ANO2: variants seen among roughly 807,000 people sequenced by gnomAD.
ANO2 encodes the protein anoctamin-2.
A neutral mutation model predicts 124.2 loss-of-function variants in ANO2; 101 were observed. The observed-to-expected ratio is 0.81, with a 90% confidence interval of 0.69 to 0.96. ANO2 has a LOEUF of 0.96. Among genes scored for constraint, ANO2 ranks in the 40% least tolerant of loss-of-function variants. ANO2 has a pLI of 0.00. For synonymous variants in ANO2, 486 were observed against 482.5 expected (o/e 1.01, Z -0.09); for missense variants, 1,293 against 1,274.5 (o/e 1.01, Z -0.22).
chr12:5,810,985 T>G (rs1953370515), intron 7 of ANO2, among the ~76,000 whole-genome samples: 1 of 152,200 alleles, frequency 6.6e-6, no homozygotes, highest in Admixed American at 6.5e-5. Flanking sequence ...TTAAGCTTCA[T>G]AGACATATCT....
chr12:5,736,145 C>T (rs1950852870), intron 13 of ANO2, among the ~76,000 whole-genome samples: 1 of 152,218 alleles, frequency 6.6e-6, no homozygotes, highest in African/African-American at 2.4e-5. Flanking sequence ...TCCACAGGGA[C>T]ACCCACAGGC....
At chr12:5,893,382 A>G (rs1295897819) in intron 3 of ANO2, among the ~76,000 whole-genome samples, 2 of 152,178 alleles carry the variant, frequency 1.3e-5, no homozygotes, top group African/African-American at 4.8e-5. Context: ...AGGAACTCAA[A>G]CAAATCAAAA....
At chr12:5,665,712 C>T (rs2136979397) in intron 14 of ANO2, among the ~76,000 whole-genome samples, 1 of 146,544 alleles carries the variant, frequency 6.8e-6, no homozygotes, top group Non-Finnish European at 1.5e-5. Context: ...TCCCACCACC[C>T]CCCACCCCCA....
At chr12:5,656,947 A>T (rs1947188982) in intron 14 of ANO2, among the ~76,000 whole-genome samples, 2 of 152,198 alleles carry the variant, frequency 1.3e-5, no homozygotes, top group Non-Finnish European at 1.5e-5. Context: ...GGGGACCCAG[A>T]CATTGCAGCA....
intron 3 of ANO2, among the ~76,000 whole-genome samples, chr12:5,875,510 G>A (rs1938032948): frequency 6.6e-6 from 1 of 152,234 alleles, no homozygotes; most frequent in South Asian, 2.1e-4. Context: ...ATCCCCGACT[G>A]ATGGCCCTCC....
chr12:5,579,374 G>A (rs1942607170), intron 20 of ANO2, among the ~76,000 whole-genome samples: 1 of 152,186 alleles, frequency 6.6e-6, no homozygotes, highest in African/African-American at 2.4e-5. Flanking sequence ...GACTGAATGG[G>A]TCTCCATGTA....
intron 16 of ANO2, among the ~76,000 whole-genome samples, chr12:5,631,906 C>A (rs1306593520): frequency 6.6e-6 from 1 of 152,120 alleles, no homozygotes; most frequent in Non-Finnish European, 1.5e-5. Flanking sequence ...GCAATGTCCC[C>A]AAACCCACTG....
chr12:5,639,715 T>C (rs1946232701), intron 15 of ANO2, among the ~76,000 whole-genome samples: 1 of 152,092 alleles, frequency 6.6e-6, no homozygotes, highest in Non-Finnish European at 1.5e-5. Context: ...GAGGGGGCCC[T>C]GTAGTGTGAG....
intron 10 of ANO2, among the ~76,000 whole-genome samples, chr12:5,798,270 C>T (rs766773036): frequency 1.3e-5 from 2 of 151,984 alleles, no homozygotes; most frequent in African/African-American, 4.8e-5. Flanking sequence ...TCACAGGCCC[C>T]GCATGTCCCT....
chr12:5,607,919 A>T (rs7965064), intron 19 of ANO2, among the ~76,000 whole-genome samples: 27,298 of 152,102 alleles, frequency 0.18, 2,700 homozygotes, highest in Non-Finnish European at 0.22. Flanking sequence ...GCAATTTAAT[A>T]ATAATAGAAA....
At chr12:5,821,355 G>A (rs1953792192) in intron 7 of ANO2, among the ~76,000 whole-genome samples, 1 of 152,194 alleles carries the variant, frequency 6.6e-6, no homozygotes, top group Non-Finnish European at 1.5e-5. Flanking sequence ...GGGCCTATTT[G>A]GATTTTGGAG....
intron 14 of ANO2, among the ~76,000 whole-genome samples, chr12:5,726,755 G>A (rs1216754470): frequency 6.6e-6 from 1 of 152,098 alleles, no homozygotes; most frequent in African/African-American, 2.4e-5. Context: ...ATAAGAGAAG[G>A]TATAAGAGCT....
intron 10 of ANO2, among the ~76,000 whole-genome samples, chr12:5,757,500 A>T (rs1951615472): frequency 6.6e-6 from 1 of 152,236 alleles, no homozygotes; most frequent in Non-Finnish European, 1.5e-5. Flanking sequence ...CCTGTGACGT[A>T]AAACACAAGA....
intron 4 of ANO2, among the ~76,000 whole-genome samples, chr12:5,851,185 A>C (rs1044346551): frequency 3.9e-5 from 6 of 152,338 alleles, no homozygotes; most frequent in Admixed American, 3.9e-4. Flanking sequence ...TGCAGGTACC[A>C]CCTAAAAACT....
At chr12:5,874,192 G>A (rs956291192) in intron 3 of ANO2, among the ~76,000 whole-genome samples, 2 of 152,220 alleles carry the variant, frequency 1.3e-5, no homozygotes, top group African/African-American at 4.8e-5. Context: ...GAGAGGCTGT[G>A]AGGGATGGAG....
intron 14 of ANO2, among the ~76,000 whole-genome samples, chr12:5,660,073 C>A (rs1001255026): frequency 6.6e-6 from 1 of 152,128 alleles, no homozygotes; most frequent in Non-Finnish European, 1.5e-5. Flanking sequence ...TGCAGAAGGT[C>A]CCTGACTTAA....
intron 7 of ANO2, among the ~76,000 whole-genome samples, chr12:5,819,430 TG>T (rs1251373795): frequency 1.3e-5 from 2 of 152,220 alleles, no homozygotes; most frequent in East Asian, 3.8e-4. Flanking sequence ...TTTATTGATT[TG>T]GGCTCATTAA....
At chr12:5,742,059 C>T (rs140806857) in intron 12 of ANO2, among the ~76,000 whole-genome samples, 6 of 152,196 alleles carry the variant, frequency 3.9e-5, no homozygotes, top group Admixed American at 1.3e-4. Flanking sequence ...GTTTGAAGTC[C>T]GACCTACAGG....
At chr12:5,734,386 A>G (rs905067103) in intron 13 of ANO2, among the ~76,000 whole-genome samples, 3 of 152,184 alleles carry the variant, frequency 2.0e-5, no homozygotes, top group African/African-American at 7.2e-5. Flanking sequence ...TTAATTAAAA[A>G]CTTAGCAGTA....
Sources: allele counts gnomAD v4.1 joint callset (sites outside exome capture counted in the v4.1 genomes callset), GRCh38; gene constraint gnomAD v4.1.1; transcripts MANE v1.5; gene names NCBI Gene and HGNC (gene_info 2026-07-23, HGNC 2026-07-21).